DLC1: variants seen among roughly 807,000 people sequenced by gnomAD.
The protein encoded by DLC1 is rho GTPase-activating protein 7.
In DLC1, 54 loss-of-function variants were observed where a neutral mutation model predicts 140.3. The ratio of observed to expected loss-of-function variants is 0.38; its 90% CI spans 0.31 to 0.48. The LOEUF (loss-of-function observed/expected upper bound fraction) is 0.48. Among genes scored for constraint, DLC1 ranks in the 20% least tolerant of loss-of-function variants. DLC1 has a pLI of 0.96. For missense variants in DLC1, 2,536 were observed against 1,907.0 expected (o/e 1.33, Z -6.14); for synonymous variants, 986 against 728.1 (o/e 1.35, Z -5.70).
intron 5 of DLC1, chr8:13,304,537 C>T (rs1464340735): frequency 2.2e-6 from 1 of 449,558 alleles, no homozygotes; most frequent in East Asian, 1.6e-4. Flanking sequence ...AATATTTTCT[C>T]TAAGGTGAGA....
At chr8:13,376,118 G>C (rs1835971540) in intron 4 of DLC1, among the ~76,000 whole-genome samples, 1 of 152,164 alleles carries the variant, frequency 6.6e-6, no homozygotes, top group African/African-American at 2.4e-5. Flanking sequence ...GCTAGCTGAA[G>C]AAAATGGTTT....
chr8:13,289,197 T>TTTATTA (rs930093614), intron 5 of DLC1, among the ~76,000 whole-genome samples: 1 of 151,804 alleles, frequency 6.6e-6, no homozygotes, highest in South Asian at 2.1e-4. Context: ...TAGAATTCCT[T>TTTATTA]TTATTATTAT....
At chr8:13,105,792 G>A (rs1585637079) in intron 7 of DLC1, among the ~76,000 whole-genome samples, 1 of 151,946 alleles carries the variant, frequency 6.6e-6, no homozygotes, top group South Asian at 2.1e-4. Flanking sequence ...TTGCCCGGCT[G>A]GTCTCGACCT....
chr8:13,333,482 G>A lies in DLC1; in HGVS notation c.1315-28180C>T, dbSNP rs146327228. On this transcript the variant is annotated intron_variant, in intron 4 of 17. Transcript: ENST00000276297. ...CTGGTTGGCCTTGAACTCCTGCACT[G>A]AAGTGATCTTCCTGTTTTAGACTCC... 6.8e-3 allele frequency among the ~76,000 whole-genome samples: 1,030 copies of A among 152,230 alleles called. 15 individuals carry two copies. Among genetic ancestry groups the A allele is most frequent in the African/African-American group, 0.023 (962 of 41,522 alleles).
intron 5 of DLC1, among the ~76,000 whole-genome samples, chr8:13,169,262 G>A (rs910222584): frequency 6.6e-6 from 1 of 152,100 alleles, no homozygotes; most frequent in Admixed American, 6.6e-5. Flanking sequence ...ATGTAATACT[G>A]TGGGGTTTTG....
At chr8:13,132,749 A>C (rs982438539) in intron 5 of DLC1, among the ~76,000 whole-genome samples, 1 of 152,108 alleles carries the variant, frequency 6.6e-6, no homozygotes, top group African/African-American at 2.4e-5. Flanking sequence ...TCCAAAATTC[A>C]AACTCCCTCC....
intron 4 of DLC1, among the ~76,000 whole-genome samples, chr8:13,386,363 C>G (rs1445180739): frequency 6.6e-6 from 1 of 151,954 alleles, no homozygotes; most frequent in Non-Finnish European, 1.5e-5. Context: ...GGGAGAAAAA[C>G]AAGTTTGCCA....
chr8:13,530,197 G>T (rs1803050076), intron 1 of DLC1, among the ~76,000 whole-genome samples: 1 of 152,142 alleles, frequency 6.6e-6, no homozygotes, highest in Admixed American at 6.5e-5. Flanking sequence ...GTTGACCAGT[G>T]TATTACTTTT....
At chr8:13,334,375 A>T (rs1375180272) in intron 4 of DLC1, among the ~76,000 whole-genome samples, 1 of 152,128 alleles carries the variant, frequency 6.6e-6, no homozygotes, top group Non-Finnish European at 1.5e-5. Context: ...CAGATCTGTG[A>T]GCCCCCCTGG....
At chr8:13,298,999 C>T (rs181859143) in intron 5 of DLC1, among the ~76,000 whole-genome samples, 175 of 152,274 alleles carry the variant, frequency 1.1e-3, no homozygotes, top group Non-Finnish European at 2.0e-3. Flanking sequence ...CATGTTACTC[C>T]ATATTAATAG....
At chr8:13,538,212 T>G (rs1301541267) in intron 1 of DLC1, among the ~76,000 whole-genome samples, 2 of 152,166 alleles carry the variant, frequency 1.3e-5, no homozygotes, top group Non-Finnish European at 2.9e-5. Context: ...ACCTGAGCTT[T>G]CATGCTGTTT....
intron 5 of DLC1, among the ~76,000 whole-genome samples, chr8:13,137,389 T>C (rs1364525526): frequency 2.6e-5 from 4 of 152,210 alleles, no homozygotes; most frequent in Non-Finnish European, 5.9e-5. Context: ...ACCTGTTCAA[T>C]GTAGCCTGTT....
At chr8:13,087,770 T>A (rs1817689386) in intron 16 of DLC1, among the ~76,000 whole-genome samples, 1 of 152,268 alleles carries the variant, frequency 6.6e-6, no homozygotes, top group South Asian at 2.1e-4. Context: ...CAAAGATTTT[T>A]GGAATTCTTC....
At chr8:13,272,924 C>T (rs1831000002) in intron 5 of DLC1, among the ~76,000 whole-genome samples, 2 of 152,182 alleles carry the variant, frequency 1.3e-5, no homozygotes, top group African/African-American at 4.8e-5. Flanking sequence ...CTTATACTCA[C>T]TTCTCCATAT....
intron 2 of DLC1, among the ~76,000 whole-genome samples, chr8:13,408,414 T>C (rs529102583): frequency 2.0e-5 from 3 of 152,304 alleles, no homozygotes; most frequent in Non-Finnish European, 2.9e-5. Flanking sequence ...TTGAAGAAAA[T>C]TGGTTTCTCT....
chr8:13,595,447 A>C (rs1805651298), intron 1 of DLC1, among the ~76,000 whole-genome samples: 1 of 152,024 alleles, frequency 6.6e-6, no homozygotes, highest in Admixed American at 6.6e-5. Flanking sequence ...TTGTGTTCAG[A>C]ATTTTGAATT....
chr8:13,489,450 A>ACAC (rs1554530251), intron 2 of DLC1, among the ~76,000 whole-genome samples: 71 of 89,514 alleles, frequency 7.9e-4, no homozygotes, highest in African/African-American at 1.9e-3. Context: ...CACACACACA[A>ACAC]AATGTTGCTA....
rs377159911 is a variant in DLC1 at position 13,094,884 on chromosome 8, T to A, written c.3401A>T (p.Asp1134Val). Residue 1134 changes from aspartate to valine, a missense_variant, in exon 12 of 18, where the codon GAC (aspartate) becomes GTC (valine). By Grantham distance (152) the Asp-to-Val change is radical. Transcript: ENST00000276297. The stretch of plus-strand genomic sequence containing the variant: ...AGACTGTCCTTCGTAGTTGACACAG[T>A]CTATGGCACCTTCATTCATCTGGCG... Reference protein sequence around the residue: ...ALRQMNEGAIDCVNYEGQSAY... With the variant: ...ALRQMNEGAIVCVNYEGQSAY... The A allele has an allele frequency of 1.3e-5, 21 of 1,614,094 alleles. No individual in the cohort carries two copies. The highest frequency in any genetic ancestry group is 1.7e-5 in the Non-Finnish European group (20 of 1,180,048).
At chr8:13,460,259 A>G (rs112610728) in intron 2 of DLC1, among the ~76,000 whole-genome samples, 2,437 of 152,280 alleles carry the variant, frequency 0.016, 30 homozygotes, top group African/African-American at 0.025. Flanking sequence ...CACAGCATTT[A>G]AAAGACTATG....
Sources: allele counts gnomAD v4.1 joint callset (sites outside exome capture counted in the v4.1 genomes callset), GRCh38; gene constraint gnomAD v4.1.1; transcripts MANE v1.5; gene names NCBI Gene and HGNC (gene_info 2026-07-23, HGNC 2026-07-21).